The following HDAC9 variants were observed in gnomAD, a reference collection of about 807,000 sequenced individuals.
The protein encoded by HDAC9 is histone deacetylase 9, also known as MEF-2 interacting transcription repressor (MITR) protein.
HDAC9 carries 41 observed loss-of-function variants against 139.4 expected under a neutral mutation model. The observed-to-expected ratio is 0.29, with a 90% CI of 0.23 to 0.38. The LOEUF (loss-of-function observed/expected upper bound fraction) is 0.38. Ranked by LOEUF, HDAC9 falls within the 10% of genes least tolerant of loss-of-function variation. The pLI is 1.00. For synonymous variants in HDAC9, 517 were observed against 476.2 expected, an observed-to-expected ratio of 1.09 and a Z score of -1.12; for missense variants, 1,147 against 1,297.0, an observed-to-expected ratio of 0.88 and a Z score of 1.78.
intron 1 of HDAC9, among the ~76,000 whole-genome samples, chr7:18,344,786 T>C (rs1223301460): frequency 1.3e-5 from 2 of 152,064 alleles, no homozygotes; most frequent in Non-Finnish European, 1.5e-5. Flanking sequence ...ACTGGGAATG[T>C]ACTGTTTATC....
intron 2 of HDAC9, among the ~76,000 whole-genome samples, chr7:18,547,101 C>T (rs1329390062): frequency 6.6e-6 from 1 of 152,208 alleles, no homozygotes; most frequent in African/African-American, 2.4e-5. Flanking sequence ...TTAAAAATTA[C>T]TTTATTGCTT....
chr7:18,572,836 G>A (rs1365538746), intron 2 of HDAC9, among the ~76,000 whole-genome samples: 2 of 148,532 alleles, frequency 1.3e-5, no homozygotes, highest in East Asian at 3.9e-4. Flanking sequence ...TTCTTAAATA[G>A]TAAAGAACTA....
chr7:18,667,292 T>A, intron 12 of HDAC9: 1 of 985,076 alleles, frequency 1.0e-6, no homozygotes, highest in Non-Finnish European at 1.2e-6. Context: ...GATACAATAT[T>A]GTGTCTACAA....
Position 19,001,405 on chromosome 7 carries a change from C to T in HDAC9, c.*5343C>T, listed in dbSNP as rs958716675. On this transcript the variant is annotated 3_prime_UTR_variant, in exon 26 of 26. Coordinates refer to ENST00000686413, the MANE Select transcript of HDAC9 (RefSeq NM_178425.4). ...ATATAATAGGGAGAGTTCACTGTTT[C>T]CTGGGACATTGTGGTCATGTCCTTA... 2.0e-5 allele frequency: 3 copies of T among 151,920 alleles called. No homozygotes were observed. The highest frequency in any genetic ancestry group is 2.9e-5 in the Non-Finnish European group (2 of 67,946). The allele number at this position is 151,920 out of a possible 1,614,324, so 9.4% of individuals were successfully genotyped here.
chr7:18,612,305 A>G (rs192153329), intron 6 of HDAC9, among the ~76,000 whole-genome samples: 17 of 152,234 alleles, frequency 1.1e-4, no homozygotes, highest in East Asian at 5.8e-4. Context: ...AGACACATCA[A>G]TTGTGTTTGC....
At chr7:18,832,835 A>G (rs1294169933) in intron 19 of HDAC9, among the ~76,000 whole-genome samples, 1 of 152,128 alleles carries the variant, frequency 6.6e-6, no homozygotes, top group East Asian at 1.9e-4. Flanking sequence ...TCCCGGGTTC[A>G]AGCGATTCTC....
chr7:18,462,153 G>A (rs1193883209), intron 1 of HDAC9, among the ~76,000 whole-genome samples: 1 of 151,766 alleles, frequency 6.6e-6, no homozygotes, highest in Non-Finnish European at 1.5e-5. Context: ...TCATATAAAA[G>A]TATGTTTTAA....
rs75414443 is a variant in HDAC9, at chr7:18,816,431, G to A, written c.2323-12730G>A. Among the ~76,000 whole-genome samples, 290 of 152,314 alleles carry A rather than the reference G, an allele frequency of 1.9e-3. 1 individual carries two copies. Among genetic ancestry groups the A allele is most frequent in the African/African-American group, 6.6e-3 (274 of 41,560 alleles). ...GAACAGCAACTTTGAATGTGAGCTA[G>A]TATAGGCATATTGAATAAATGATGA... On this transcript the variant is annotated intron_variant, in intron 17 of 25. Coordinates refer to ENST00000686413, the MANE Select transcript of HDAC9 (RefSeq NM_178425.4).
intron 1 of HDAC9, among the ~76,000 whole-genome samples, chr7:18,354,429 C>G (rs187846320): frequency 6.9e-4 from 105 of 152,252 alleles, no homozygotes; most frequent in African/African-American, 2.4e-3. Context: ...AAGCTCTGCT[C>G]TACGGTGCTT....
At chr7:18,967,673 C>G (rs760145212) in intron 24 of HDAC9, among the ~76,000 whole-genome samples, 2 of 152,076 alleles carry the variant, frequency 1.3e-5, no homozygotes, top group Non-Finnish European at 2.9e-5. Flanking sequence ...ATGGAGCACA[C>G]AATTTTTATA....
intron 12 of HDAC9, among the ~76,000 whole-genome samples, chr7:18,675,395 A>G (rs1032522402): frequency 1.3e-5 from 2 of 152,056 alleles, no homozygotes; most frequent in African/African-American, 4.8e-5. Flanking sequence ...TGGTTTGTTA[A>G]ATGTGGTCAG....
rs528364767 is a variant in HDAC9 at position 18,624,311 on chromosome 7, C to G, written c.665-5039C>G. Among the ~76,000 whole-genome samples, 140 of 152,068 alleles carry G rather than the reference C, an allele frequency of 9.2e-4. 1 individual carries two copies. The highest frequency in any genetic ancestry group is 1.8e-3 in the Non-Finnish European group (121 of 67,980). On this transcript the variant is annotated intron_variant, in intron 6 of 25. Transcript: ENST00000686413. ...GCATTCTTCAGATATTTTCTGTTTCCTTTTATTGAGGATATTTTCTTTTAG... is the reference window on the plus strand; with the variant it reads ...GCATTCTTCAGATATTTTCTGTTTCGTTTTATTGAGGATATTTTCTTTTAG...
At chr7:18,924,217 G>T (rs1002585702) in intron 22 of HDAC9, among the ~76,000 whole-genome samples, 2 of 150,668 alleles carry the variant, frequency 1.3e-5, no homozygotes, top group African/African-American at 4.9e-5. Flanking sequence ...CCTTTCTTTT[G>T]CAAATATTCT....
intron 2 of HDAC9, among the ~76,000 whole-genome samples, chr7:18,202,185 A>C (rs546285865): frequency 1.3e-5 from 2 of 152,336 alleles, no homozygotes; most frequent in South Asian, 4.1e-4. Context: ...ATTTTGAATT[A>C]AGTAAAATTT....
intron 3 of HDAC9, among the ~76,000 whole-genome samples, chr7:18,586,107 G>A (rs1260311736): frequency 6.6e-6 from 1 of 152,030 alleles, no homozygotes; most frequent in Non-Finnish European, 1.5e-5. Flanking sequence ...CTGTAGATAA[G>A]AATTTATTGA....
At chr7:18,593,227 A>G (rs1346292061) in intron 5 of HDAC9, among the ~76,000 whole-genome samples, 1 of 152,086 alleles carries the variant, frequency 6.6e-6, no homozygotes, top group African/African-American at 2.4e-5. Context: ...CATTGTTTTC[A>G]TTACATATGT....
intron 16 of HDAC9, among the ~76,000 whole-genome samples, chr7:18,786,623 C>CTCCCTCCCTCCT (rs1791806049): frequency 4.0e-5 from 1 of 24,718 alleles, no homozygotes; most frequent in Non-Finnish European, 1.1e-4. Flanking sequence ...CCTTCCCTCC[C>CTCCCTCCCTCCT]TCCCTCCTTC....
At chr7:18,658,899 C>CAAAAAAAAAAAAAAAACAA (rs11306117) in intron 11 of HDAC9, among the ~76,000 whole-genome samples, 2 of 118,158 alleles carry the variant, frequency 1.7e-5, no homozygotes, top group African/African-American at 2.8e-5. Flanking sequence ...AAAAAAAAAG[C>CAAAAAAAAAAAAAAAACAA]AAAAAAAAAA....
chr7:18,100,749 C>T (rs1284283619), intron 1 of HDAC9, among the ~76,000 whole-genome samples: 2 of 151,954 alleles, frequency 1.3e-5, no homozygotes, highest in African/African-American at 4.8e-5. Context: ...GACTTTTTAT[C>T]CTTGCTATTG....
Sources: allele counts gnomAD v4.1 joint callset (sites outside exome capture counted in the v4.1 genomes callset), GRCh38; gene constraint gnomAD v4.1.1; transcripts MANE v1.5; gene names NCBI Gene and HGNC (gene_info 2026-07-23, HGNC 2026-07-21).